The following CCBE1 variants were observed in gnomAD, a reference collection of about 807,000 sequenced individuals.
The protein encoded by CCBE1 is collagen and calcium binding EGF domains 1.
Under a neutral mutation model 50.0 loss-of-function variants are expected in CCBE1, and 37 were observed. The observed-to-expected ratio is 0.74, with a 90% confidence interval of 0.57 to 0.97. The LOEUF (loss-of-function observed/expected upper bound fraction) is 0.97. Ranked by LOEUF, CCBE1 falls within the 50% of genes least tolerant of loss-of-function variation. CCBE1 has a pLI of 0.00. For synonymous variants in CCBE1, 234 were observed against 203.7 expected, an observed-to-expected ratio of 1.15 and a Z score of -1.27; for missense variants, 538 against 523.8, an observed-to-expected ratio of 1.03 and a Z score of -0.26.
chr18:59,608,998 GAA>G (rs1433776837), intron 2 of CCBE1, among the ~76,000 whole-genome samples: 1 of 152,168 alleles, frequency 6.6e-6, no homozygotes, highest in Non-Finnish European at 1.5e-5. Flanking sequence ...TCTGTGATGG[GAA>G]ACCCAACAGA....
chr18:59,581,817 A>G (rs963016258), intron 2 of CCBE1, among the ~76,000 whole-genome samples: 29 of 152,114 alleles, frequency 1.9e-4, no homozygotes, highest in African/African-American at 6.5e-4. Context: ...TATAGTTGTG[A>G]CAACCAAAAA....
chr18:59,683,476 A>C (rs2054618744), intron 2 of CCBE1, among the ~76,000 whole-genome samples: 1 of 152,004 alleles, frequency 6.6e-6, no homozygotes, highest in African/African-American at 2.4e-5. Flanking sequence ...CAGGCGGATC[A>C]CCTGAGGTCA....
chr18:59,572,086 CA>C (rs1213985643), intron 2 of CCBE1, among the ~76,000 whole-genome samples: 3 of 152,066 alleles, frequency 2.0e-5, no homozygotes, highest in African/African-American at 7.2e-5. Context: ...GAGAAGAAAA[CA>C]AAAAATGAAA....
chr18:59,586,317 G>A (rs1300174860), intron 2 of CCBE1, among the ~76,000 whole-genome samples: 1 of 151,702 alleles, frequency 6.6e-6, no homozygotes, highest in East Asian at 1.9e-4. Flanking sequence ...AAAATAGTGT[G>A]TGTATGTGGG....
At chr18:59,457,783 G>T (rs1482185660) in intron 5 of CCBE1, among the ~76,000 whole-genome samples, 1 of 152,164 alleles carries the variant, frequency 6.6e-6, no homozygotes, top group Non-Finnish European at 1.5e-5. Flanking sequence ...TTTCCTTTGG[G>T]TTTTTTACCC....
chr18:59,543,848 A>AAAAAAAAAAAAAAG (rs1915577474), intron 2 of CCBE1, among the ~76,000 whole-genome samples: 3 of 134,148 alleles, frequency 2.2e-5, no homozygotes, highest in African/African-American at 9.1e-5. Flanking sequence ...AAAAAAAAAA[A>AAAAAAAAAAAAAAG]AAAAAAAAAA....
At chr18:59,493,870 A>G (rs1913225791) in intron 2 of CCBE1, among the ~76,000 whole-genome samples, 1 of 152,204 alleles carries the variant, frequency 6.6e-6, no homozygotes, top group Non-Finnish European at 1.5e-5. Context: ...CCATGCTATT[A>G]TAGTAATAGT....
chr18:59,489,662 C>T (rs1478987381), intron 2 of CCBE1, among the ~76,000 whole-genome samples: 1 of 152,118 alleles, frequency 6.6e-6, no homozygotes, highest in African/African-American at 2.4e-5. Context: ...ATCTGTATGC[C>T]TTGGCTTCCC....
intron 2 of CCBE1, among the ~76,000 whole-genome samples, chr18:59,679,409 T>A (rs964018261): frequency 6.6e-6 from 1 of 152,216 alleles, no homozygotes; most frequent in African/African-American, 2.4e-5. Flanking sequence ...CGGTAACATA[T>A]GAACACCCTA....
chr18:59,586,835 G>A (rs1008993938), intron 2 of CCBE1, among the ~76,000 whole-genome samples: 3 of 152,112 alleles, frequency 2.0e-5, no homozygotes, highest in Non-Finnish European at 2.9e-5. Context: ...ACACCTGAAA[G>A]GCACAACAGA....
chr18:59,697,071 C>G (rs1021419280), intron 1 of CCBE1, 141 bp downstream of exon 1: 1 of 1,190,338 alleles, frequency 8.4e-7, no homozygotes, highest in Non-Finnish European at 1.2e-6. Context: ...CCCAGGACAG[C>G]TGAGCACTCT....
At chr18:59,596,124 G>A (rs947336324) in intron 2 of CCBE1, among the ~76,000 whole-genome samples, 5 of 152,222 alleles carry the variant, frequency 3.3e-5, no homozygotes, top group Non-Finnish European at 7.3e-5. Flanking sequence ...GGTCTGAACA[G>A]AGTGACTGTT....
At chr18:59,585,474 T>C (rs2053165819) in intron 2 of CCBE1, among the ~76,000 whole-genome samples, 2 of 152,160 alleles carry the variant, frequency 1.3e-5, no homozygotes, top group Non-Finnish European at 1.5e-5. Context: ...AGGTTTCACA[T>C]GTCCCAGAAA....
At chr18:59,501,178 C>A (rs1598956541) in intron 2 of CCBE1, among the ~76,000 whole-genome samples, 1 of 152,350 alleles carries the variant, frequency 6.6e-6, no homozygotes, top group East Asian at 1.9e-4. Context: ...CCATCCTTAG[C>A]AGAGCCCACT....
intron 2 of CCBE1, among the ~76,000 whole-genome samples, chr18:59,639,076 C>G (rs1239092503): frequency 6.6e-6 from 1 of 152,082 alleles, no homozygotes; most frequent in African/African-American, 2.4e-5. Flanking sequence ...GAGTTTGAGA[C>G]CAGCGTGAGC....
intron 2 of CCBE1, among the ~76,000 whole-genome samples, chr18:59,640,973 A>T (rs891396692): frequency 3.3e-5 from 5 of 152,228 alleles, no homozygotes; most frequent in Non-Finnish European, 5.9e-5. Flanking sequence ...ATCATTAAAA[A>T]ATAACTGATG....
intron 2 of CCBE1, among the ~76,000 whole-genome samples, chr18:59,652,840 T>A (rs2054143409): frequency 6.6e-6 from 1 of 151,970 alleles, no homozygotes; most frequent in Non-Finnish European, 1.5e-5. Flanking sequence ...GGCGGGCGCC[T>A]GTAGTCCCAG....
At chr18:59,515,831 T>C (rs1568181671) in intron 2 of CCBE1, among the ~76,000 whole-genome samples, 3 of 152,192 alleles carry the variant, frequency 2.0e-5, no homozygotes, top group African/African-American at 4.8e-5. Flanking sequence ...AACCTCAGTT[T>C]TCTTATCTGC....
At chr18:59,439,118 C>G (rs958911934) in intron 9 of CCBE1, among the ~76,000 whole-genome samples, 4 of 152,044 alleles carry the variant, frequency 2.6e-5, no homozygotes, top group African/African-American at 9.7e-5. Flanking sequence ...AACCCTGTCT[C>G]TACTGAAAAT....
Sources: allele counts gnomAD v4.1 joint callset (sites outside exome capture counted in the v4.1 genomes callset), GRCh38; gene constraint gnomAD v4.1.1; transcripts MANE v1.5; gene names NCBI Gene and HGNC (gene_info 2026-07-23, HGNC 2026-07-21).